ADAM32: variants seen among roughly 807,000 people sequenced by gnomAD.
ADAM32 encodes the protein ADAM metallopeptidase domain 32, also known as disintegrin and metalloproteinase domain-containing protein 32.
ADAM32 carries 89 observed loss-of-function variants against 114.9 expected under a neutral mutation model. That is an observed-to-expected ratio of 0.77 (90% CI 0.65 to 0.92). The LOEUF is 0.92. Among genes scored for constraint, ADAM32 ranks in the 40% least tolerant of loss-of-function variants. The pLI is 0.00. For synonymous variants in ADAM32, 285 were observed against 307.5 expected (o/e 0.93, Z 0.77); for missense variants, 870 against 932.8 (o/e 0.93, Z 0.88).
At chr8:39,222,308 C>A (rs1305850624) in intron 13 of ADAM32, among the ~76,000 whole-genome samples, 1 of 151,948 alleles carries the variant, frequency 6.6e-6, no homozygotes, top group Non-Finnish European at 1.5e-5. Context: ...GTTGAATTAT[C>A]CGTAATGCAG....
chr8:39,133,157 T>G (rs533162654), intron 2 of ADAM32, among the ~76,000 whole-genome samples: 1 of 152,296 alleles, frequency 6.6e-6, no homozygotes, highest in East Asian at 1.9e-4. Flanking sequence ...TGGGTCATGA[T>G]GTCCCTCATG....
chr8:39,265,911 C>T (rs1463851001), intron 19 of ADAM32, among the ~76,000 whole-genome samples: 3 of 152,160 alleles, frequency 2.0e-5, no homozygotes, highest in Non-Finnish European at 4.4e-5. Flanking sequence ...TATTTTTCCT[C>T]TGCTTATGAA....
chr8:39,189,033 G>A (rs1806429908), intron 11 of ADAM32, among the ~76,000 whole-genome samples: 1 of 152,058 alleles, frequency 6.6e-6, no homozygotes, highest in Non-Finnish European at 1.5e-5. Context: ...GTTAATTAGT[G>A]TACACACTTT....
chr8:39,211,442 A>G (rs1808213390), intron 12 of ADAM32, 118 bp downstream of exon 12: 4 of 1,045,270 alleles, frequency 3.8e-6, no homozygotes, highest in Non-Finnish European at 5.1e-6. Flanking sequence ...ACAGTAAGTG[A>G]AGTTGGGTCG....
At chr8:39,219,945 T>C (rs1476742342) in intron 12 of ADAM32, among the ~76,000 whole-genome samples, 1 of 152,166 alleles carries the variant, frequency 6.6e-6, no homozygotes, top group African/African-American at 2.4e-5. Flanking sequence ...ACTTTGTAAG[T>C]GTGTATTAGT....
chr8:39,203,720 C>T (rs921676053), intron 11 of ADAM32, among the ~76,000 whole-genome samples: 2 of 152,158 alleles, frequency 1.3e-5, no homozygotes, highest in Admixed American at 1.3e-4. Context: ...CGGTTTCTTC[C>T]TAGCATTGAT....
intron 10 of ADAM32, among the ~76,000 whole-genome samples, chr8:39,177,599 T>C (rs1805608757): frequency 6.6e-6 from 1 of 152,230 alleles, no homozygotes; most frequent in Non-Finnish European, 1.5e-5. Flanking sequence ...GGTTGCTTCA[T>C]AGTGTTACTG....
At chr8:39,115,738 A>G (rs1255280804) in intron 1 of ADAM32, among the ~76,000 whole-genome samples, 2 of 152,112 alleles carry the variant, frequency 1.3e-5, no homozygotes, top group Admixed American at 1.3e-4. Flanking sequence ...GAAGCTCTTT[A>G]GTTTAATGAA....
At chr8:39,210,640 A>C (rs1808144093) in intron 11 of ADAM32, among the ~76,000 whole-genome samples, 1 of 152,240 alleles carries the variant, frequency 6.6e-6, no homozygotes, top group African/African-American at 2.4e-5. Flanking sequence ...TGTTTACTAC[A>C]TACAAATATA....
intron 22 of ADAM32, among the ~76,000 whole-genome samples, chr8:39,278,739 A>G (rs1433648002): frequency 2.6e-5 from 4 of 151,920 alleles, no homozygotes; most frequent in African/African-American, 9.7e-5. Context: ...CTCACTATTT[A>G]TTGTTGAATC....
At chr8:39,180,328 C>T (rs550397675) in intron 10 of ADAM32, among the ~76,000 whole-genome samples, 51 of 152,346 alleles carry the variant, frequency 3.3e-4, no homozygotes, top group East Asian at 9.7e-4. Flanking sequence ...CTCGATTTCT[C>T]GCCGGGCCTT....
intron 17 of ADAM32, among the ~76,000 whole-genome samples, chr8:39,251,797 A>T (rs935627057): frequency 6.6e-6 from 1 of 151,752 alleles, no homozygotes; most frequent in Non-Finnish European, 1.5e-5. Flanking sequence ...TTACATAATC[A>T]GTGTCTTAGA....
chr8:39,199,738 A>G (rs1311676917), intron 11 of ADAM32, among the ~76,000 whole-genome samples: 3 of 152,010 alleles, frequency 2.0e-5, no homozygotes, highest in African/African-American at 4.8e-5. Context: ...CATCATTTAC[A>G]TTAGGTATAT....
In ADAM32 at chr8:39,151,610, A is replaced by G. The variant is rs572968091; in HGVS notation, c.525+62A>G. ...GTTATTACTTCCATTTAATTTATTT[A>G]AAAAATAAATTTATAAGCCCACTGT... On this transcript the variant is annotated intron_variant, in intron 6 of 24. Coordinates refer to ENST00000379907, the MANE Select transcript of ADAM32 (RefSeq NM_145004.7). 2.6e-4 allele frequency: 304 copies of G among 1,188,376 alleles called. No individual in the cohort carries two copies. In the African/African-American group the frequency reaches 4.5e-3, roughly 18 times the overall value. 73.6% of individuals were successfully genotyped at this position (1,188,376 alleles called of 1,614,324 possible).
chr8:39,197,010 G>T (rs1034505098), intron 11 of ADAM32, among the ~76,000 whole-genome samples: 1 of 151,976 alleles, frequency 6.6e-6, no homozygotes, highest in African/African-American at 2.4e-5. Context: ...TATTGATTCA[G>T]TCTCATTACT....
Position 39,135,770 on chromosome 8 carries a change from G to A in ADAM32, c.139-887G>A, listed in dbSNP as rs117037961. ...AACACCCCTCAATTTGGATTTGTCT[G>A]ATATTTTCTCATGTTCAGTGAATTT... On this transcript the variant is annotated intron_variant, in intron 2 of 24. Transcript: ENST00000379907. 2.6e-5 allele frequency among the ~76,000 whole-genome samples: 4 copies of A among 152,228 alleles called. No individual in the cohort carries two copies. In the East Asian group the frequency reaches 5.8e-4, roughly 22 times the overall value.
chr8:39,237,031 T>C lies in ADAM32; in HGVS notation c.1818+2949T>C, dbSNP rs184810152. The stretch of plus-strand genomic sequence containing the variant: ...CGTGAAACACCCATAAAACTGTAAA[T>C]GCCCAATATGTGAGTGGGGGAAAGT... On this transcript the variant is annotated intron_variant, in intron 16 of 24. Transcript: ENST00000379907. Among the ~76,000 whole-genome samples, 458 of 152,262 alleles carry C rather than the reference T, an allele frequency of 3.0e-3. 2 individuals are homozygous for C. The highest frequency in any genetic ancestry group is 1.0e-2 in the African/African-American group (414 of 41,542).
intron 3 of ADAM32, among the ~76,000 whole-genome samples, chr8:39,143,223 C>G (rs944417999): frequency 6.6e-6 from 1 of 152,210 alleles, no homozygotes; most frequent in African/African-American, 2.4e-5. Context: ...TCGTCAAACT[C>G]ATTCTCCGTC....
At chr8:39,171,157 A>C (rs1805165362) in intron 10 of ADAM32, among the ~76,000 whole-genome samples, 1 of 152,102 alleles carries the variant, frequency 6.6e-6, no homozygotes, top group African/African-American at 2.4e-5. Flanking sequence ...GACAGTCTCA[A>C]ACTCCTGGCC....
Sources: gnomAD v4.1 joint callset for allele counts (sites outside exome capture counted in the v4.1 genomes callset) on GRCh38, gnomAD v4.1.1 for gene constraint, MANE v1.5 for transcripts, NCBI Gene and HGNC (gene_info 2026-07-23, HGNC 2026-07-21) for gene names.